The following SEPTIN1 variants were observed in gnomAD, a reference collection of about 807,000 sequenced individuals.
SEPTIN1 encodes the protein septin-1.
SEPTIN1 carries 52 observed loss-of-function variants against 50.7 expected under a neutral mutation model. The observed-to-expected ratio is 1.03, with a 90% confidence interval of 0.82 to 1.29. The LOEUF (loss-of-function observed/expected upper bound fraction) is 1.29, where lower values mean the gene tolerates loss of function less well. Ranked by LOEUF, SEPTIN1 falls within the 50% of genes most tolerant of loss-of-function variation. SEPTIN1 has a pLI of 0.00. For missense variants in SEPTIN1, 455 were observed against 490.7 expected, an observed-to-expected ratio of 0.93 and a Z score of 0.69; for synonymous variants, 204 against 189.1, an observed-to-expected ratio of 1.08 and a Z score of -0.65.
chr16:30,380,768 T>TA (rs11325889), intron 6 of SEPTIN1: 1,252 of 266,438 alleles, frequency 4.7e-3, no homozygotes, highest in South Asian at 8.6e-3. Flanking sequence ...AGACTCTATC[T>TA]AAAAAAAAAA....
chr16:30,378,594 C>T lies in SEPTIN1; in HGVS notation c.1032+16G>A, dbSNP rs377366007. The stretch of plus-strand genomic sequence containing the variant: ...ACCTGGGGCATCGGTCGGGGGGAAG[C>T]GAGGTGCGTGCTCACCTCTTCGTCT... On this transcript the variant is annotated intron_variant, in intron 10 of 10. Transcript: ENST00000321367. The T allele has an allele frequency of 1.9e-6, 3 of 1,610,234 alleles. No individual in the cohort carries two copies. The highest frequency in any genetic ancestry group is 2.5e-6 in the Non-Finnish European group (3 of 1,179,306).
intron 6 of SEPTIN1, 127 bp from the exon 7 acceptor site, chr16:30,380,160 A>G (rs1023483095): frequency 7.9e-6 from 5 of 634,390 alleles, no homozygotes; most frequent in East Asian, 3.3e-5. Flanking sequence ...AAAGACAGAG[A>G]TGGGGAGAGA....
At chr16:30,382,612 G>A (rs377532243), upstream of SEPTIN1, 134 of 1,550,764 alleles carry the variant, frequency 8.6e-5, no homozygotes, top group Non-Finnish European at 1.1e-4. The surrounding 1 kb of genome is among the most constrained non-coding windows in gnomAD (Gnocchi z 4.8). Context: ...ACAAGGGGGC[G>A]GGCAGAAGAG....
At chr16:30,378,862 GGGAGAGAC>G (rs1198050052) in intron 9 of SEPTIN1, among the ~76,000 whole-genome samples, 148 bp downstream of exon 9, 1 of 144,126 alleles carries the variant, frequency 6.9e-6, no homozygotes, top group South Asian at 2.3e-4. Context: ...GGGGGAGAGA[GGGAGAGAC>G]GGAGAGAGGG....
rs987305879 is a variant in SEPTIN1, at chr16:30,378,308, C to G, written c.*126G>C. On this transcript the variant is annotated 3_prime_UTR_variant, in exon 11 of 11. Transcript: ENST00000321367. ...CTACGGACTCAGGCTGGGAGAACCT[C>G]CCCCTAGCCCGCGCGAGGGCGGCAC... The G allele has an allele frequency of 1.1e-6, 1 of 932,206 alleles. No individual in the cohort carries two copies. The highest frequency in any genetic ancestry group is 1.6e-6 in the Non-Finnish European group (1 of 636,604). 57.7% of individuals were successfully genotyped at this position (932,206 alleles called of 1,614,324 possible).
In SEPTIN1 at chr16:30,378,206, T is replaced by A. The variant is rs778619414; in HGVS notation, c.*228A>T. The A allele has an allele frequency of 7.3e-5, 50 of 688,610 alleles. No homozygotes were observed. Among genetic ancestry groups the A allele is most frequent in the Non-Finnish European group, 1.2e-4 (47 of 385,330 alleles). 42.7% of individuals were successfully genotyped at this position (688,610 alleles called of 1,614,324 possible). On this transcript the variant is annotated 3_prime_UTR_variant, in exon 11 of 11. Coordinates refer to ENST00000321367, the MANE Select transcript of SEPTIN1 (RefSeq NM_001365977.2). ...GAAGGGGGACTCCGGAAGACAGTGATGCGGTCGGAGATTGTGCAGGCCCCG... is the reference window on the plus strand; with the variant it reads ...GAAGGGGGACTCCGGAAGACAGTGAAGCGGTCGGAGATTGTGCAGGCCCCG...
Position 30,381,565 on chromosome 16 carries a change from CTT to C in SEPTIN1, c.321-94_321-93del. ...GGACTGTGGGAGTAGAATGTCATTT[CTT>C]TGGCTCCCTCCAAAGACATTAAGGG... On this transcript the variant is annotated intron_variant, in intron 4 of 10. Transcript: ENST00000321367. This position sits in a 1 kb window ranked among gnomAD's most constrained non-coding sequence, Gnocchi z 4.3. 6.5e-7 allele frequency: 1 copy of C among 1,536,386 alleles called. No homozygotes were observed. Among genetic ancestry groups the C allele is most frequent in the Non-Finnish European group, 8.9e-7 (1 of 1,120,100 alleles).
chr16:30,382,170 C>A lies in SEPTIN1; in HGVS notation c.119G>T (p.Gly40Val). 1.9e-6 allele frequency: 3 copies of A among 1,608,552 alleles called. No individual in the cohort carries two copies. Among genetic ancestry groups the A allele is most frequent in the Non-Finnish European group, 2.5e-6 (3 of 1,177,516 alleles). The stretch of plus-strand genomic sequence containing the variant: ...GTTGATGAGGGTGGATTTCCCTAGG[C>A]CTGACTCCCCTGTGGACAGAACAGG... ...DFTLMVAGES[G>V]LGKSTLINSL... is the part of the protein sequence containing the mutation. Residue 40 changes from glycine (G) to valine (V), a missense_variant, in exon 3 of 11, where the codon GGC becomes GTC. Transcript: ENST00000321367. The surrounding 1 kb of genome is among the most constrained non-coding windows in gnomAD (Gnocchi z 4.8).
Position 30,378,322 on chromosome 16 carries a change from C to A in SEPTIN1, c.*112G>T, listed in dbSNP as rs2049778622. On this transcript the variant is annotated 3_prime_UTR_variant, in exon 11 of 11. Coordinates refer to ENST00000321367, the MANE Select transcript of SEPTIN1 (RefSeq NM_001365977.2). The stretch of plus-strand genomic sequence containing the variant: ...TGGGAGAACCTCCCCCTAGCCCGCG[C>A]GAGGGCGGCACCCGCGGAGGTCCCG... The A allele has an allele frequency of 1.9e-6, 2 of 1,064,432 alleles. No homozygotes were observed. Among genetic ancestry groups the A allele is most frequent in the Non-Finnish European group, 2.6e-6 (2 of 758,382 alleles). The allele number at this position is 1,064,432 out of a possible 1,614,324, so 65.9% of individuals were successfully genotyped here.
In SEPTIN1 at chr16:30,378,310, C is replaced by A; in HGVS notation, c.*124G>T. On this transcript the variant is annotated 3_prime_UTR_variant, in exon 11 of 11. Coordinates refer to ENST00000321367, the MANE Select transcript of SEPTIN1 (RefSeq NM_001365977.2). ...ACGGACTCAGGCTGGGAGAACCTCC[C>A]CCTAGCCCGCGCGAGGGCGGCACCC... 1 of 951,754 alleles carries A rather than the reference C, an allele frequency of 1.1e-6. No individual in the cohort carries two copies. The highest frequency in any genetic ancestry group is 1.5e-6 in the Non-Finnish European group (1 of 654,392). The allele number at this position is 951,754 out of a possible 1,614,324, so 59.0% of individuals were successfully genotyped here.
chr16:30,379,481 C>G lies in SEPTIN1; in HGVS notation c.729G>C (p.Gly243=). The change falls in exon 8 of 11, where the codon GGG becomes GGC. Residue 243 remains glycine (G), a synonymous_variant. Transcript: ENST00000321367. ...AGCGGCGTCCCCTCACCGGCCGGTT[C>G]CCGCCATCCCTCACCACCTCGCATG... ...VGSCEVVRDG[G]NRPVRGRRYS... 6.2e-7 allele frequency: 1 copy of G among 1,613,924 alleles called. No individual in the cohort carries two copies. Among genetic ancestry groups the G allele is most frequent in the African/African-American group, 1.3e-5 (1 of 75,014 alleles).
intron 7 of SEPTIN1, 88 bp from the exon 8 acceptor site, chr16:30,379,622 T>C: frequency 1.4e-6 from 1 of 701,458 alleles, no homozygotes; most frequent in Non-Finnish European, 2.5e-6. Context: ...CCGCCTCCTC[T>C]GCTTCCTGCC....
intron 6 of SEPTIN1, chr16:30,380,921 G>GC: frequency 1.6e-6 from 1 of 611,008 alleles, no homozygotes; most frequent in South Asian, 1.9e-5. Context: ...CAGGCATCTA[G>GC]CCCGGGGGCT....
chr16:30,378,747 G>A (rs759067671), intron 9 of SEPTIN1, 47 bp from the exon 10 acceptor site: 19 of 1,567,334 alleles, frequency 1.2e-5, no homozygotes, highest in Non-Finnish European at 1.6e-5. Context: ...GGGACCTGAG[G>A]TTGTGGGTGA....
rs1287864433 is a variant in SEPTIN1, at chr16:30,381,675, G to A, written c.320+85C>T. ...AAACAGACACCACCTTTTGAGATAG[G>A]GAGCCAGCACAAACCAGTCCTGTAA... On this transcript the variant is annotated intron_variant, in intron 4 of 10. Transcript: ENST00000321367. The surrounding 1 kb of genome is among the most constrained non-coding windows in gnomAD (Gnocchi z 4.3). 8 of 1,565,356 alleles carry A rather than the reference G, an allele frequency of 5.1e-6. No individual in the cohort carries two copies. In the Admixed American group the frequency reaches 1.5e-4, roughly 29 times the overall value.
chr16:30,382,481 G>T lies in SEPTIN1; in HGVS notation c.18+44C>A. 1 of 1,593,842 alleles carries T rather than the reference G, an allele frequency of 6.3e-7. No homozygotes were observed. The highest frequency in any genetic ancestry group is 1.1e-5 in the South Asian group (1 of 89,466). On this transcript the variant is annotated intron_variant, in intron 1 of 10. Transcript: ENST00000321367. This position sits in a 1 kb window ranked among gnomAD's most constrained non-coding sequence, Gnocchi z 4.8. ...GGGGTCTGGGGACCCCAGGCATGGG[G>T]GCTGGGGGCCGAGATGCCCAGGTTT...
Position 30,381,722 on chromosome 16 carries a change from T to C in SEPTIN1, c.320+38A>G. ...GTAACTCTCCAGGGAGTCGCCACTG[T>C]GAAAGGCTGAGCCTCTGTCCCCTTT... On this transcript the variant is annotated intron_variant, in intron 4 of 10. Transcript: ENST00000321367. This position sits in a 1 kb window ranked among gnomAD's most constrained non-coding sequence, Gnocchi z 4.3. The C allele has an allele frequency of 6.2e-7, 1 of 1,610,428 alleles. No homozygotes were observed. Among genetic ancestry groups the C allele is most frequent in the Non-Finnish European group, 8.5e-7 (1 of 1,178,314 alleles).
chr16:30,379,398 C>T, intron 8 of SEPTIN1, 37 bp downstream of exon 8: 2 of 1,574,450 alleles, frequency 1.3e-6, no homozygotes, highest in Non-Finnish European at 1.7e-6. Flanking sequence ...CCCCGGGCTC[C>T]CTGCTGGCCT....
intron 6 of SEPTIN1, chr16:30,380,375 C>A: frequency 6.2e-6 from 1 of 161,924 alleles, no homozygotes. Flanking sequence ...CATCTTGGTT[C>A]ACTGCAGCCT....
Sources: gnomAD v4.1 joint callset for allele counts (sites outside exome capture counted in the v4.1 genomes callset) on GRCh38, gnomAD v4.1.1 for gene constraint, Gnocchi (gnomAD v3.1) non-coding constraint, MANE v1.5 for transcripts, NCBI Gene and HGNC (gene_info 2026-07-23, HGNC 2026-07-21) for gene names.